Variants in C10orf90 observed in about 807,000 individuals in gnomAD.
C10orf90 encodes (E2-independent) E3 ubiquitin-conjugating enzyme FATS.
A neutral mutation model predicts 62.5 loss-of-function variants in C10orf90; 56 were observed. That is an observed-to-expected ratio of 0.90 (90% CI 0.72 to 1.12). The LOEUF (loss-of-function observed/expected upper bound fraction) is 1.12. C10orf90 is among the 50% of genes most tolerant of loss of function. The pLI is 0.00. For missense variants in C10orf90, 970 were observed against 880.4 expected (o/e 1.10, Z -1.29); for synonymous variants, 386 against 340.4 (o/e 1.13, Z -1.47).
At chr10:126,426,294 T>C (rs1174098460) in intron 8 of C10orf90, among the ~76,000 whole-genome samples, 1 of 152,180 alleles carries the variant, frequency 6.6e-6, no homozygotes, top group Non-Finnish European at 1.5e-5. Context: ...TGGCACCTTG[T>C]CCAGTGCTAC....
intron 7 of C10orf90, among the ~76,000 whole-genome samples, chr10:126,432,438 A>C (rs1404433958): frequency 5.3e-5 from 8 of 152,234 alleles, no homozygotes; most frequent in Non-Finnish European, 5.9e-5. Context: ...CCGTCCCTTC[A>C]TGAGATTTCA....
At chr10:126,620,743 GA>G (rs35028354) in intron 2 of C10orf90, among the ~76,000 whole-genome samples, 14,470 of 135,112 alleles carry the variant, frequency 0.11, 746 homozygotes, top group Middle Eastern at 0.14. Flanking sequence ...GTGGGGGCTA[GA>G]AAAAAAAAAA....
intron 7 of C10orf90, among the ~76,000 whole-genome samples, chr10:126,444,477 A>T (rs1050800935): frequency 2.6e-5 from 4 of 152,108 alleles, no homozygotes; most frequent in African/African-American, 9.7e-5. Context: ...GAGATGAAAG[A>T]CCTCTACAAG....
chr10:126,610,168 C>T (rs1014884354), intron 2 of C10orf90, among the ~76,000 whole-genome samples: 1 of 152,222 alleles, frequency 6.6e-6, no homozygotes, highest in South Asian at 2.1e-4. Flanking sequence ...GTCCACAGGG[C>T]TCCCTGGCCT....
At chr10:126,538,718 AG>A (rs1864302566) in intron 2 of C10orf90, among the ~76,000 whole-genome samples, 1 of 152,202 alleles carries the variant, frequency 6.6e-6, no homozygotes, top group South Asian at 2.1e-4. Flanking sequence ...GACATCCCAC[AG>A]CTCCAAAGTG....
At chr10:126,648,108 T>C (rs1846207264) in intron 1 of C10orf90, among the ~76,000 whole-genome samples, 1 of 152,108 alleles carries the variant, frequency 6.6e-6, no homozygotes. Context: ...AATGCTGCTG[T>C]TTTTAAAAGG....
intron 2 of C10orf90, among the ~76,000 whole-genome samples, chr10:126,618,706 A>G (rs1591149014): frequency 6.6e-6 from 1 of 152,208 alleles, no homozygotes; most frequent in South Asian, 2.1e-4. Context: ...ATTTGTACAA[A>G]GTGAGCATAT....
chr10:126,425,620 T>TA lies in C10orf90; in HGVS notation c.*243dup. ...AGAAGCAAAAACATTAAGGGGACTG[T>TA]ATCCAGTGGGTTACATGGAGGTGGT... On this transcript the variant is annotated 3_prime_UTR_variant, in exon 10 of 10. Transcript: ENST00000488181. The TA allele has an allele frequency of 1.8e-6, 1 of 551,020 alleles. No homozygotes were observed. Among genetic ancestry groups the TA allele is most frequent in the Non-Finnish European group, 3.2e-6 (1 of 315,984 alleles). The allele number at this position is 551,020 out of a possible 1,614,324, so 34.1% of individuals were successfully genotyped here.
chr10:126,579,460 C>A (rs7087296), intron 2 of C10orf90, among the ~76,000 whole-genome samples: 1 of 151,660 alleles, frequency 6.6e-6, no homozygotes, highest in South Asian at 2.1e-4. Context: ...AGGCTGGTCT[C>A]GAACTCCTGA....
At chr10:126,623,024 T>C (rs1322082804) in intron 2 of C10orf90, among the ~76,000 whole-genome samples, 1 of 152,170 alleles carries the variant, frequency 6.6e-6, no homozygotes, top group African/African-American at 2.4e-5. Context: ...CCATGGGAGA[T>C]GTAGAAGTTA....
chr10:126,517,514 T>C (rs906871031), intron 2 of C10orf90, among the ~76,000 whole-genome samples: 4 of 152,188 alleles, frequency 2.6e-5, no homozygotes, highest in Non-Finnish European at 5.9e-5. Flanking sequence ...GCTGGGGAAC[T>C]GCCCCATACC....
intron 4 of C10orf90, among the ~76,000 whole-genome samples, chr10:126,477,067 G>A (rs1403484326): frequency 2.5e-5 from 3 of 118,804 alleles, no homozygotes; most frequent in Non-Finnish European, 5.0e-5. Context: ...CCAACATCAC[G>A]CCTGGCTAAT....
At chr10:126,621,646 T>C (rs768590439) in intron 2 of C10orf90, among the ~76,000 whole-genome samples, 2 of 152,224 alleles carry the variant, frequency 1.3e-5, no homozygotes, top group African/African-American at 2.4e-5. Context: ...GGTATATTTA[T>C]TTTTAGTGGC....
Position 126,512,753 on chromosome 10 carries a change from A to T in C10orf90, c.405+1095T>A, listed in dbSNP as rs561637299. On this transcript the variant is annotated intron_variant, in intron 3 of 9. Transcript: ENST00000488181. ...TCTGACTCCTGCTCCGAGGGAACAAATTAATTATAGCCATGCATCTTTACA... is the reference window on the plus strand; with the variant it reads ...TCTGACTCCTGCTCCGAGGGAACAATTTAATTATAGCCATGCATCTTTACA... 1.4e-4 allele frequency among the ~76,000 whole-genome samples: 21 copies of T among 152,226 alleles called. No individual in the cohort carries two copies. The South Asian group carries it at 4.1e-3, about 30-fold the overall frequency.
At chr10:126,606,302 T>G (rs535850098) in intron 2 of C10orf90, among the ~76,000 whole-genome samples, 1 of 152,294 alleles carries the variant, frequency 6.6e-6, no homozygotes, top group African/African-American at 2.4e-5. Flanking sequence ...TGATAAATGA[T>G]TTGGGTTTCA....
At chr10:126,532,551 C>T (rs1864120713) in intron 2 of C10orf90, among the ~76,000 whole-genome samples, 1 of 151,806 alleles carries the variant, frequency 6.6e-6, no homozygotes, top group Non-Finnish European at 1.5e-5. Context: ...AAAGAGTGAG[C>T]ACATGGCCGG....
At position 126,504,025 on chromosome 10, in the gene C10orf90, G is replaced by A. The variant is rs79841262; in HGVS notation, c.1466C>T (p.Thr489Ile). The change falls in exon 4 of 10, where the codon ACT becomes ATT. Residue 489 changes from threonine (T) to isoleucine (I), a missense_variant. Coordinates refer to ENST00000488181, the MANE Select transcript of C10orf90 (RefSeq NM_001350921.2). The surrounding 1 kb of genome is among the most constrained non-coding windows in gnomAD (Gnocchi z 4.1). ...TVRKGEKDHTTHCHASDHANQ... is the reference protein window; with the variant it reads ...TVRKGEKDHTIHCHASDHANQ... ...GGCATGATCGCTGGCGTGACAATGA[G>A]TTGTATGGTCCTTTTCCCCTTTTCT... The A allele has an allele frequency of 1.5e-5, 24 of 1,614,104 alleles. No individual in the cohort carries two copies. In the East Asian group the frequency reaches 4.9e-4, roughly 33 times the overall value.
At chr10:126,458,406 C>G (rs1038025911) in intron 7 of C10orf90, among the ~76,000 whole-genome samples, 1 of 152,168 alleles carries the variant, frequency 6.6e-6, no homozygotes, top group Non-Finnish European at 1.5e-5. Flanking sequence ...TCCTTACCCT[C>G]ATTTCTTTTT....
At chr10:126,535,056 A>G (rs1864196079) in intron 2 of C10orf90, among the ~76,000 whole-genome samples, 1 of 152,160 alleles carries the variant, frequency 6.6e-6, no homozygotes, top group African/African-American at 2.4e-5. Context: ...AGATCTTTGA[A>G]TATATTGTGA....
Sources: gnomAD v4.1 joint callset for allele counts (sites outside exome capture counted in the v4.1 genomes callset) on GRCh38, gnomAD v4.1.1 for gene constraint, Gnocchi (gnomAD v3.1) non-coding constraint, MANE v1.5 for transcripts, NCBI Gene and HGNC (gene_info 2026-07-23, HGNC 2026-07-21) for gene names.